Variants in CLDN10 observed in about 807,000 individuals in gnomAD.
CLDN10 encodes the protein claudin 10, also known as claudin-10.
Under a neutral mutation model 22.9 loss-of-function variants are expected in CLDN10, and 15 were observed. The observed-to-expected ratio is 0.65, with a 90% CI of 0.44 to 1.01. The LOEUF is 1.01. CLDN10 is among the 50% of genes least tolerant of loss of function. The probability of loss-of-function intolerance (pLI) is 0.00; values close to 1 mark genes in which losing one functional copy is unlikely to be tolerated. For synonymous variants in CLDN10, 114 were observed against 111.4 expected (o/e 1.02, Z -0.15); for missense variants, 247 against 287.8 (o/e 0.86, Z 1.03).
chr13:95,558,446 C>A (rs772281603), intron 1 of CLDN10, among the ~76,000 whole-genome samples: 2 of 152,182 alleles, frequency 1.3e-5, no homozygotes, highest in South Asian at 4.1e-4. Context: ...TTGATAGCCA[C>A]GGTGTTAGTG....
chr13:95,538,270 G>GCACCTTACAGGCGCCCAC (rs2043422609), intron 1 of CLDN10, among the ~76,000 whole-genome samples: 1 of 142,728 alleles, frequency 7.0e-6, no homozygotes, highest in Non-Finnish European at 1.5e-5. Context: ...AGAGTAGCTG[G>GCACCTTACAGGCGCCCAC]CACCTTACAG....
chr13:95,475,155 G>A (rs2042673546), intron 1 of CLDN10, among the ~76,000 whole-genome samples: 1 of 45,332 alleles, frequency 2.2e-5, no homozygotes. Flanking sequence ...CCACAACTCG[G>A]ATCAGAGGAT....
At chr13:95,539,014 G>T (rs2043431696) in intron 1 of CLDN10, among the ~76,000 whole-genome samples, 1 of 152,072 alleles carries the variant, frequency 6.6e-6, no homozygotes, top group Admixed American at 6.5e-5. Flanking sequence ...CGAGTAGCTG[G>T]GTTTACAGGC....
intron 1 of CLDN10, among the ~76,000 whole-genome samples, chr13:95,506,460 C>G (rs1440519320): frequency 1.3e-5 from 2 of 152,164 alleles, no homozygotes; most frequent in African/African-American, 2.4e-5. Context: ...TTTATCTCTC[C>G]TTCTGATCTT....
At chr13:95,498,045 T>C (rs2138531536) in intron 1 of CLDN10, among the ~76,000 whole-genome samples, 1 of 152,332 alleles carries the variant, frequency 6.6e-6, no homozygotes, top group South Asian at 2.1e-4. Flanking sequence ...AATTTCTAGA[T>C]GTAATAAAAT....
intron 1 of CLDN10, among the ~76,000 whole-genome samples, chr13:95,547,171 C>T (rs905209789): frequency 6.6e-6 from 1 of 151,698 alleles, no homozygotes; most frequent in African/African-American, 2.4e-5. Flanking sequence ...ATTACAGGCA[C>T]CCAGCTGTTC....
chr13:95,434,010 C>G lies in CLDN10; in HGVS notation c.177C>G (p.Phe59Leu), dbSNP rs201997413. The G allele has an allele frequency of 7.4e-6, 12 of 1,614,156 alleles. No homozygotes were observed. In the South Asian group the frequency reaches 1.3e-4, roughly 18 times the overall value. ...GCGCAGGTAACGCGTTGGGTTCTTT[C>G]CATTGCCGACCGCATTTTACTATCT... The change falls in exon 1 of 5, where the codon TTC becomes TTG. Residue 59 changes from phenylalanine (F) to leucine (L), a missense_variant. By Grantham distance (22) the Phe-to-Leu change is conservative. Coordinates refer to the CLDN10 transcript ENST00000376873.
At chr13:95,492,808 G>C (rs992373657) in intron 1 of CLDN10, among the ~76,000 whole-genome samples, 1 of 152,158 alleles carries the variant, frequency 6.6e-6, no homozygotes, top group Non-Finnish European at 1.5e-5. Context: ...GCAGGAATGG[G>C]CTGCTTGGGG....
chr13:95,487,680 T>C (rs1291139557), intron 1 of CLDN10, among the ~76,000 whole-genome samples: 1 of 152,200 alleles, frequency 6.6e-6, no homozygotes, highest in Non-Finnish European at 1.5e-5. Context: ...GTTTTTCTAA[T>C]TTTTTAATTT....
rs558957515 is a variant in CLDN10, at chr13:95,443,016, C to T, written c.214+8969C>T. 1.8e-4 allele frequency among the ~76,000 whole-genome samples: 27 copies of T among 152,270 alleles called. 1 individual carries two copies. The highest frequency in any genetic ancestry group is 5.8e-4 in the East Asian group (3 of 5,184). On this transcript the variant is annotated intron_variant, in intron 1 of 4. Transcript: ENST00000376873. ...AAATGAATGTATACAGTGTGTTTTA[C>T]GAAGTGCTTTCACATACATTGTCAT...
chr13:95,453,709 G>A (rs1191460962), intron 1 of CLDN10, among the ~76,000 whole-genome samples: 1 of 150,768 alleles, frequency 6.6e-6, no homozygotes, highest in South Asian at 2.1e-4. Flanking sequence ...AAAAAAAAGA[G>A]CAAGCACAGA....
intron 1 of CLDN10, among the ~76,000 whole-genome samples, chr13:95,545,450 T>C (rs2043498344): frequency 6.6e-6 from 1 of 151,964 alleles, no homozygotes; most frequent in Non-Finnish European, 1.5e-5. Context: ...GGCAGGAGAA[T>C]CGCTTGAACC....
chr13:95,471,875 C>G (rs1380657176), intron 1 of CLDN10, among the ~76,000 whole-genome samples: 1 of 151,694 alleles, frequency 6.6e-6, no homozygotes, highest in East Asian at 1.9e-4. Context: ...TCACTGCAGC[C>G]TCAGTCTTCC....
chr13:95,450,510 A>G lies in CLDN10; in HGVS notation c.214+16463A>G, dbSNP rs144442294. 1.6e-3 allele frequency among the ~76,000 whole-genome samples: 251 copies of G among 152,272 alleles called. 2 individuals carry two copies. Among genetic ancestry groups the G allele is most frequent in the African/African-American group, 5.8e-3 (240 of 41,558 alleles). On this transcript the variant is annotated intron_variant, in intron 1 of 4. Coordinates refer to the CLDN10 transcript ENST00000376873. ...TCTCTTTTCCCACAGCGCTGATCCCAGGCTTTCGCCAAGCTTCCTCCTTTT... is the reference window on the plus strand; with the variant it reads ...TCTCTTTTCCCACAGCGCTGATCCCGGGCTTTCGCCAAGCTTCCTCCTTTT...
At chr13:95,560,916 C>T (rs906794804) in intron 3 of CLDN10, 1 of 160,874 alleles carries the variant, frequency 6.2e-6, no homozygotes. Flanking sequence ...ACAAGCTCCT[C>T]CTAATAAACC....
chr13:95,552,726 G>C lies in CLDN10; in HGVS notation c.-28G>C. 1 of 1,596,122 alleles carries C rather than the reference G, an allele frequency of 6.3e-7. No individual in the cohort carries two copies. The highest frequency in any genetic ancestry group is 1.1e-5 in the South Asian group (1 of 89,476). Reference sequence around the variant, plus strand: ...GGGTCGCGGCGCAGAGTGGGAGCCGGAGAGCGAGCGCGGCTGCAGCCGGCG... The same window carrying C: ...GGGTCGCGGCGCAGAGTGGGAGCCGCAGAGCGAGCGCGGCTGCAGCCGGCG... On this transcript the variant is annotated 5_prime_UTR_variant, in exon 1 of 5. Transcript: ENST00000299339.
chr13:95,578,900 G>C lies in CLDN10; in HGVS notation c.*886G>C, dbSNP rs1442289101. 2 of 152,134 alleles carry C rather than the reference G, an allele frequency of 1.3e-5. No individual in the cohort carries two copies. Among genetic ancestry groups the C allele is most frequent in the African/African-American group, 2.4e-5 (1 of 41,430 alleles). 9.4% of individuals were successfully genotyped at this position (152,134 alleles called of 1,614,324 possible). On this transcript the variant is annotated 3_prime_UTR_variant, in exon 5 of 5. Transcript: ENST00000299339. ...GCCAATATATTATTGCCTGTCATGTGGCACATCCATGTTAAGGGGCTGAGG... is the reference window on the plus strand; with the variant it reads ...GCCAATATATTATTGCCTGTCATGTCGCACATCCATGTTAAGGGGCTGAGG...
intron 1 of CLDN10, among the ~76,000 whole-genome samples, chr13:95,526,579 G>A (rs2138595335): frequency 6.6e-6 from 1 of 152,240 alleles, no homozygotes; most frequent in Non-Finnish European, 1.5e-5. Context: ...TAGAAAAATG[G>A]CAAGAAGGGA....
intron 1 of CLDN10, among the ~76,000 whole-genome samples, chr13:95,538,796 A>C (rs1348528402): frequency 3.3e-5 from 5 of 152,156 alleles, no homozygotes; most frequent in Admixed American, 3.3e-4. Flanking sequence ...CAACAACCCT[A>C]ATGCCTTAGA....
Sources: gnomAD v4.1 joint callset for allele counts (sites outside exome capture counted in the v4.1 genomes callset) on GRCh38, gnomAD v4.1.1 for gene constraint, MANE v1.5 for transcripts, NCBI Gene and HGNC (gene_info 2026-07-23, HGNC 2026-07-21) for gene names.